The following NPAS3 variants were observed in gnomAD, a reference collection of about 807,000 sequenced individuals.
The protein encoded by NPAS3 is neuronal PAS domain-containing protein 3.
NPAS3 carries 14 observed loss-of-function variants against 73.1 expected under a neutral mutation model. The observed-to-expected ratio is 0.19, with a 90% CI of 0.13 to 0.30. The LOEUF is 0.30. NPAS3 is among the 10% of genes least tolerant of loss of function. The pLI, the probability that NPAS3 is intolerant of heterozygous loss-of-function variation, is 1.00. For missense variants in NPAS3, 1,096 were observed against 1,250.0 expected (o/e 0.88, Z 1.86); for synonymous variants, 620 against 541.5 (o/e 1.14, Z -2.01).
At chr14:33,116,457 C>A (rs1477989880) in intron 2 of NPAS3, among the ~76,000 whole-genome samples, 1 of 152,044 alleles carries the variant, frequency 6.6e-6, no homozygotes, top group African/African-American at 2.4e-5. Flanking sequence ...TATTTAACCT[C>A]CTTCCAAGTT....
At chr14:33,036,178 G>T (rs1158684881) in intron 1 of NPAS3, among the ~76,000 whole-genome samples, 3 of 152,120 alleles carry the variant, frequency 2.0e-5, no homozygotes, top group Non-Finnish European at 4.4e-5. Context: ...GGTTAGGGGT[G>T]GGGGCTGGTG....
At chr14:33,742,227 G>C (rs1412869674) in intron 7 of NPAS3, among the ~76,000 whole-genome samples, 1 of 152,150 alleles carries the variant, frequency 6.6e-6, no homozygotes, top group Non-Finnish European at 1.5e-5. Context: ...AATAGCTGCA[G>C]ACACCCCACA....
chr14:33,699,212 C>A (rs1477116230), intron 6 of NPAS3, among the ~76,000 whole-genome samples: 1 of 151,964 alleles, frequency 6.6e-6, no homozygotes, highest in Non-Finnish European at 1.5e-5. Context: ...TAGAAAATAT[C>A]AAACATTTAA....
intron 3 of NPAS3, among the ~76,000 whole-genome samples, chr14:33,221,184 G>A (rs1220114231): frequency 6.6e-6 from 1 of 152,142 alleles, no homozygotes; most frequent in Non-Finnish European, 1.5e-5. Context: ...GCTGATGGAG[G>A]CAAAGGTGTA....
Position 33,218,504 on chromosome 14 carries a change from T to A in NPAS3, c.385+3078T>A, listed in dbSNP as rs1268266444. Among the ~76,000 whole-genome samples, 4 of 152,342 alleles carry A rather than the reference T, an allele frequency of 2.6e-5. No homozygotes were observed. In the South Asian group the frequency reaches 6.2e-4, roughly 24 times the overall value. ...TAATTTATTAAGGTCTTCTATGTTG[T>A]GCCCTTGAAGACGTTCATACGGATA... On this transcript the variant is annotated intron_variant, in intron 3 of 11. Coordinates refer to ENST00000356141, the Ensembl canonical transcript of NPAS3.
chr14:33,332,831 C>A (rs1177078908), intron 3 of NPAS3, among the ~76,000 whole-genome samples: 1 of 152,194 alleles, frequency 6.6e-6, no homozygotes, highest in Admixed American at 6.5e-5. Flanking sequence ...TATGCAGCTT[C>A]TTTCTCAGAA....
chr14:33,725,854 C>G (rs1307522004), intron 6 of NPAS3, among the ~76,000 whole-genome samples: 1 of 152,116 alleles, frequency 6.6e-6, no homozygotes, highest in Non-Finnish European at 1.5e-5. Context: ...ATCGCAAAAC[C>G]CTGTCCTTCT....
chr14:33,566,475 G>A (rs944496784), intron 5 of NPAS3, among the ~76,000 whole-genome samples: 1 of 151,854 alleles, frequency 6.6e-6, no homozygotes, highest in Admixed American at 6.6e-5. Context: ...CTTCCAAATA[G>A]GCAAACACGC....
At chr14:33,386,828 G>T (rs949947152) in intron 4 of NPAS3, among the ~76,000 whole-genome samples, 4 of 152,212 alleles carry the variant, frequency 2.6e-5, no homozygotes, top group Non-Finnish European at 5.9e-5. Flanking sequence ...AATCAGGTGG[G>T]CGTCTTCATG....
intron 3 of NPAS3, among the ~76,000 whole-genome samples, chr14:33,350,536 G>A (rs1183356776): frequency 6.6e-6 from 1 of 152,206 alleles, no homozygotes; most frequent in Non-Finnish European, 1.5e-5. Flanking sequence ...CCCCCTCTGG[G>A]TGTATGCAAA....
intron 4 of NPAS3, among the ~76,000 whole-genome samples, chr14:33,498,090 A>G (rs1463401498): frequency 2.6e-5 from 4 of 152,188 alleles, no homozygotes; most frequent in Admixed American, 1.3e-4. Context: ...CATATGAAAA[A>G]AAGCTCATCA....
chr14:33,623,505 C>A (rs2058137449), intron 5 of NPAS3, among the ~76,000 whole-genome samples: 1 of 152,196 alleles, frequency 6.6e-6, no homozygotes. Context: ...CAGGTCGTAT[C>A]ATCTGTGTTT....
chr14:33,151,011 A>G (rs2044424072), intron 2 of NPAS3, among the ~76,000 whole-genome samples: 1 of 152,256 alleles, frequency 6.6e-6, no homozygotes, highest in African/African-American at 2.4e-5. Context: ...ATTCCTTGAT[A>G]GGAACAGAAG....
chr14:33,261,071 T>G (rs2048958614), intron 3 of NPAS3, among the ~76,000 whole-genome samples: 1 of 152,166 alleles, frequency 6.6e-6, no homozygotes, highest in East Asian at 1.9e-4. Flanking sequence ...CTCTTCCTGC[T>G]TAGAATACCA....
intron 2 of NPAS3, among the ~76,000 whole-genome samples, chr14:33,061,639 C>T (rs538098673): frequency 6.6e-6 from 1 of 152,084 alleles, no homozygotes; most frequent in African/African-American, 2.4e-5. Flanking sequence ...CTAGACTAGC[C>T]TAGAAGTGAG....
chr14:32,952,591 A>G (rs1029354278), intron 1 of NPAS3, among the ~76,000 whole-genome samples: 3 of 152,084 alleles, frequency 2.0e-5, no homozygotes, highest in Non-Finnish European at 4.4e-5. Context: ...ACATTGTTTT[A>G]GAAAAAAAAA....
chr14:33,394,400 T>C (rs2047135371), intron 4 of NPAS3, among the ~76,000 whole-genome samples: 2 of 152,164 alleles, frequency 1.3e-5, no homozygotes, highest in African/African-American at 4.8e-5. Flanking sequence ...AATATCACTC[T>C]TTACAATATC....
At chr14:33,459,497 G>A (rs1170310472) in intron 4 of NPAS3, among the ~76,000 whole-genome samples, 1 of 152,222 alleles carries the variant, frequency 6.6e-6, no homozygotes, top group African/African-American at 2.4e-5. Context: ...ATCATGGACA[G>A]TATTACTACA....
At chr14:33,669,573 A>T (rs567461672) in intron 5 of NPAS3, among the ~76,000 whole-genome samples, 1 of 152,346 alleles carries the variant, frequency 6.6e-6, no homozygotes, top group Admixed American at 6.5e-5. Flanking sequence ...ATTACAAGAA[A>T]AAATGAAATG....
Sources: gnomAD v4.1 joint callset for allele counts (sites outside exome capture counted in the v4.1 genomes callset) on GRCh38, gnomAD v4.1.1 for gene constraint, MANE v1.5 for transcripts, NCBI Gene and HGNC (gene_info 2026-07-23, HGNC 2026-07-21) for gene names.